ZNF532: variants seen among roughly 807,000 people sequenced by gnomAD.
ZNF532 encodes zinc finger protein 532.
Under a neutral mutation model 89.3 loss-of-function variants are expected in ZNF532, and 22 were observed. The observed-to-expected ratio is 0.25, with a 90% CI of 0.18 to 0.35. The LOEUF is 0.35. ZNF532 is among the 10% of genes least tolerant of loss of function. The pLI is 1.00. For missense variants in ZNF532, 1,132 were observed against 1,643.4 expected, an observed-to-expected ratio of 0.69 and a Z score of 5.38; for synonymous variants, 606 against 649.6, an observed-to-expected ratio of 0.93 and a Z score of 1.02.
chr18:58,981,972 C>G lies in ZNF532; in HGVS notation c.3411+355C>G, dbSNP rs150233335. Among the ~76,000 whole-genome samples, 285 of 138,766 alleles carry G rather than the reference C, an allele frequency of 2.1e-3. 3 individuals are homozygous for G. The highest frequency in any genetic ancestry group is 7.5e-3 in the African/African-American group (272 of 36,192). 91.0% of individuals were successfully genotyped at this position (138,766 alleles called of 152,430 possible). A position where few individuals can be genotyped will look rare whatever the true frequency, so the allele number is the denominator to read the frequency against. Reference sequence around the variant, plus strand: ...TGAGCTGAGATCATGCCACTGCACTCTAGCCCAGGCGACAGTGCGAGACTC... The same window carrying G: ...TGAGCTGAGATCATGCCACTGCACTGTAGCCCAGGCGACAGTGCGAGACTC... On this transcript the variant is annotated intron_variant, in intron 9 of 9. Coordinates refer to ENST00000591808, the MANE Select transcript of ZNF532 (RefSeq NM_001375912.1).
intron 6 of ZNF532, among the ~76,000 whole-genome samples, chr18:58,951,080 C>T (rs546367680): frequency 3.0e-4 from 46 of 152,188 alleles, no homozygotes; most frequent in African/African-American, 1.1e-3. Context: ...CTCAGCCCCC[C>T]GAATAGCTGA....
Position 58,920,183 on chromosome 18 carries a change from C to G in ZNF532, c.1896C>G (p.Thr632=). Residue 632 remains threonine (T), a synonymous_variant, in exon 3 of 10, where the codon ACC becomes ACG. Transcript: ENST00000591808. Reference sequence around the variant, plus strand: ...CCTTTGCACTTGAAAAGAGTCTGACCCAGCACTACGACAGACGGAGCGTGC... The same window carrying G: ...CCTTTGCACTTGAAAAGAGTCTGACGCAGCACTACGACAGACGGAGCGTGC... ...GDSFALEKSL[T]QHYDRRSVRI... The G allele has an allele frequency of 6.2e-7, 1 of 1,613,790 alleles. No homozygotes were observed. Among genetic ancestry groups the G allele is most frequent in the East Asian group, 2.2e-5 (1 of 44,870 alleles).
chr18:58,931,142 T>C (rs1372692549), intron 3 of ZNF532, among the ~76,000 whole-genome samples: 1 of 152,226 alleles, frequency 6.6e-6, no homozygotes, highest in African/African-American at 2.4e-5. Flanking sequence ...TTAGATGACA[T>C]AAGTAAAATG....
chr18:58,913,767 C>T (rs2060427070), intron 2 of ZNF532, among the ~76,000 whole-genome samples: 1 of 152,068 alleles, frequency 6.6e-6, no homozygotes, highest in South Asian at 2.1e-4. Context: ...TATAATACTG[C>T]CAAGATGGTC....
At chr18:58,879,276 A>G (rs73437996) in intron 2 of ZNF532, among the ~76,000 whole-genome samples, 2,587 of 152,356 alleles carry the variant, frequency 0.017, 91 homozygotes, top group African/African-American at 0.059. Context: ...TGAGAAAAAA[A>G]TCTTTGTTCA....
intron 7 of ZNF532, chr18:58,954,328 T>G: frequency 3.3e-6 from 3 of 911,696 alleles, no homozygotes; most frequent in Non-Finnish European, 3.9e-6. Flanking sequence ...CCTTTCTCTT[T>G]TAAATAGTAA....
At chr18:58,863,433 G>GC (rs540573276), upstream of ZNF532, 144,769 of 144,888 alleles carry the variant, frequency 1, 72,325 homozygotes, top group Admixed American at 1. Context: ...CGGTCCCGGA[G>GC]CTCCCTTCCC....
intron 2 of ZNF532, among the ~76,000 whole-genome samples, chr18:58,907,432 G>A (rs1221962613): frequency 6.6e-6 from 1 of 151,916 alleles, no homozygotes; most frequent in Non-Finnish European, 1.5e-5. Flanking sequence ...GATCCCCCCT[G>A]CCCACCTTGG....
intron 3 of ZNF532, among the ~76,000 whole-genome samples, chr18:58,929,167 A>G (rs1187522172): frequency 1.3e-5 from 2 of 152,122 alleles, no homozygotes; most frequent in Admixed American, 6.5e-5. Context: ...CTGCTTCTCT[A>G]AGATGTTGAA....
chr18:58,942,233 A>G (rs898744274), intron 5 of ZNF532, among the ~76,000 whole-genome samples: 32 of 150,956 alleles, frequency 2.1e-4, no homozygotes, highest in African/African-American at 7.3e-4. Context: ...CGTGTTAGCC[A>G]GGATGGTCTC....
In ZNF532 at chr18:58,935,051, T is replaced by C. The variant is rs986222945; in HGVS notation, c.2528+437T>C. Among the ~76,000 whole-genome samples the C allele has an allele frequency of 2.0e-5, 3 of 150,956 alleles. No homozygotes were observed. In the East Asian group the frequency reaches 5.9e-4, roughly 30 times the overall value. On this transcript the variant is annotated intron_variant, in intron 4 of 9. Coordinates refer to ENST00000591808, the MANE Select transcript of ZNF532 (RefSeq NM_001375912.1). The stretch of plus-strand genomic sequence containing the variant: ...ATTTGGTCCACATTGAAAGATGGGG[T>C]GTATGTTCCAGCCTTGCACTCCAAA...
Position 58,920,395 on chromosome 18 carries a change from C to T in ZNF532, c.2108C>T (p.Ser703Phe). 1 of 1,613,982 alleles carries T rather than the reference C, an allele frequency of 6.2e-7. No individual in the cohort carries two copies. The highest frequency in any genetic ancestry group is 1.7e-5 in the Admixed American group (1 of 60,020). ...TCAAGCAATACTTCCACTTCAACTTCCACTCTTCAGAGCCCTGTGGGAGCT... is the reference window on the plus strand; with the variant it reads ...TCAAGCAATACTTCCACTTCAACTTTCACTCTTCAGAGCCCTGTGGGAGCT... ...SPSSNTSTST[S>F]TLQSPVGAGT... The change falls in exon 3 of 10, where the codon TCC (serine) becomes TTC (phenylalanine). Residue 703 changes from serine to phenylalanine, a missense_variant. Coordinates refer to ENST00000591808, the MANE Select transcript of ZNF532 (RefSeq NM_001375912.1).
At chr18:58,873,712 G>T (rs963551311) in intron 2 of ZNF532, among the ~76,000 whole-genome samples, 2 of 151,862 alleles carry the variant, frequency 1.3e-5, no homozygotes, top group Admixed American at 1.3e-4. Flanking sequence ...AATTACAGGG[G>T]TGAGCCACTG....
chr18:58,969,349 A>G (rs1481180733), intron 7 of ZNF532, among the ~76,000 whole-genome samples: 2 of 152,182 alleles, frequency 1.3e-5, no homozygotes, highest in African/African-American at 4.8e-5. Context: ...TGGTTCAGGG[A>G]GGAAGATGGG....
chr18:58,979,131 T>C lies in ZNF532; in HGVS notation c.3227T>C (p.Ile1076Thr), dbSNP rs765993917. The part of the protein sequence containing the change: ...SSHSLCRHNR[I>T]KHKGIRKVYA... ...CACAGCCTGTGCCGGCACAACCGGA[T>C]CAAGCACAAAGGCATCAGGAAAGTG... The change falls in exon 8 of 10, where the codon ATC becomes ACC. Residue 1076 changes from isoleucine to threonine, a missense_variant. This residue lies in a region of ZNF532 where 415 missense variants were observed against 604.8 expected (regional missense o/e 0.69). Coordinates refer to ENST00000591808, the MANE Select transcript of ZNF532 (RefSeq NM_001375912.1). 1 of 1,613,368 alleles carries C rather than the reference T, an allele frequency of 6.2e-7. No homozygotes were observed. Among genetic ancestry groups the C allele is most frequent in the Non-Finnish European group, 8.5e-7 (1 of 1,179,414 alleles).
chr18:58,866,069 C>A (rs534932933), intron 2 of ZNF532, among the ~76,000 whole-genome samples: 1 of 152,066 alleles, frequency 6.6e-6, no homozygotes, highest in African/African-American at 2.4e-5. Context: ...TTTTTCACTC[C>A]GACTCAAGTG....
At chr18:58,910,905 G>T (rs1042064517) in intron 2 of ZNF532, among the ~76,000 whole-genome samples, 1 of 151,506 alleles carries the variant, frequency 6.6e-6, no homozygotes, top group South Asian at 2.1e-4. Flanking sequence ...AAGAGACAGG[G>T]TCTTACTCTG....
At chr18:58,978,734 G>A (rs182770746) in intron 7 of ZNF532, among the ~76,000 whole-genome samples, 19 of 152,266 alleles carry the variant, frequency 1.2e-4, no homozygotes, top group Admixed American at 1.1e-3. Flanking sequence ...GATGTTTTTG[G>A]ATCTTGGAAT....
intron 7 of ZNF532, among the ~76,000 whole-genome samples, chr18:58,973,262 C>T (rs1219258625): frequency 1.3e-5 from 2 of 152,088 alleles, no homozygotes; most frequent in Non-Finnish European, 2.9e-5. Flanking sequence ...ACCACCATGC[C>T]CAGCTAATAT....
Sources: allele counts gnomAD v4.1 joint callset (sites outside exome capture counted in the v4.1 genomes callset), GRCh38; gene constraint gnomAD v4.1.1; regional missense constraint gnomAD v4.1.1; transcripts MANE v1.5; gene names NCBI Gene and HGNC (gene_info 2026-07-23, HGNC 2026-07-21).